Variants in SEC24D observed in about 807,000 individuals in gnomAD.
SEC24D encodes the protein protein transport protein Sec24D.
In SEC24D, 69 loss-of-function variants were observed where a neutral mutation model predicts 116.9. The ratio of observed to expected loss-of-function variants is 0.59; its 90% CI spans 0.49 to 0.72. SEC24D has a LOEUF of 0.72. SEC24D is among the 30% of genes least tolerant of loss of function. The probability of loss-of-function intolerance (pLI) is 0.00; values close to 1 mark genes in which losing one functional copy is unlikely to be tolerated. For synonymous variants in SEC24D, 405 were observed against 442.8 expected (o/e 0.91, Z 1.07); for missense variants, 1,131 against 1,264.1 (o/e 0.89, Z 1.60).
At chr4:118,828,614 G>C (rs1414488911) in intron 2 of SEC24D, among the ~76,000 whole-genome samples, 1 of 152,152 alleles carries the variant, frequency 6.6e-6, no homozygotes, top group Non-Finnish European at 1.5e-5. Flanking sequence ...ATGGCACTCT[G>C]TTACCCTCCC....
intron 8 of SEC24D, 94 bp downstream of exon 8, chr4:118,797,589 G>A (rs1380254536): frequency 2.9e-5 from 27 of 937,106 alleles, no homozygotes; most frequent in Non-Finnish European, 3.7e-5. Context: ...CCAGTTTCCT[G>A]TTTATATTAT....
chr4:118,822,527 C>T (rs6843239), intron 3 of SEC24D, among the ~76,000 whole-genome samples: 88,655 of 152,022 alleles, frequency 0.58, 26,357 homozygotes, highest in East Asian at 0.66. Flanking sequence ...AATCTTTGCA[C>T]TTCTTTCTTT....
At chr4:118,813,445 C>G (rs2389687) in intron 6 of SEC24D, among the ~76,000 whole-genome samples, 135,873 of 152,264 alleles carry the variant, frequency 0.89, 60,767 homozygotes, top group Middle Eastern at 0.94. Context: ...CATGTGGTGA[C>G]AGCCTTCTTC....
chr4:118,730,643 G>A (rs1333087305), intron 21 of SEC24D: 1 of 152,240 alleles, frequency 6.6e-6, no homozygotes, highest in Non-Finnish European at 1.5e-5. Context: ...AATAACGTTT[G>A]CAATAAATGT....
chr4:118,806,643 T>TA (rs140668239), intron 6 of SEC24D, among the ~76,000 whole-genome samples: 6,720 of 145,528 alleles, frequency 0.046, 177 homozygotes, highest in Non-Finnish European at 0.054. Context: ...AGCATTTTCT[T>TA]AAAAAAAAAA....
chr4:118,810,120 GT>G (rs1560737085), intron 6 of SEC24D, among the ~76,000 whole-genome samples: 8,704 of 144,942 alleles, frequency 0.06, 542 homozygotes, highest in Middle Eastern at 0.088. Flanking sequence ...GTGTGTGTGT[GT>G]GTGTGTGTGT....
intron 8 of SEC24D, among the ~76,000 whole-genome samples, chr4:118,788,667 G>C (rs560067618): frequency 1.5e-3 from 235 of 152,296 alleles, no homozygotes; most frequent in African/African-American, 5.1e-3. Context: ...TTAGAGAGGT[G>C]AACAGGGTTA....
intron 11 of SEC24D, among the ~76,000 whole-genome samples, chr4:118,756,684 C>T (rs1210664404): frequency 6.6e-6 from 1 of 152,100 alleles, no homozygotes; most frequent in Non-Finnish European, 1.5e-5. Context: ...CACGTAGGGA[C>T]TAGGTTACAG....
chr4:118,798,131 A>G (rs988679388), intron 7 of SEC24D, among the ~76,000 whole-genome samples: 1 of 152,236 alleles, frequency 6.6e-6, no homozygotes, highest in African/African-American at 2.4e-5. Flanking sequence ...TTTAGATGCA[A>G]TGGAAAAAAT....
Position 118,740,702 on chromosome 4 carries a change from G to A in SEC24D, c.2199C>T (p.His733=), listed in dbSNP as rs140046192. ...CDKAVTVEFK[H]DDKLSEDSGA... ...CACTGTCTTCACTGAGTTTGTCATC[G>A]TGCTTGAACTCCACGGTCACTGCCT... Residue 733 remains histidine (H), a synonymous_variant, in exon 17 of 23, where the codon CAC becomes CAT. Coordinates refer to ENST00000280551, the MANE Select transcript of SEC24D (RefSeq NM_014822.4). 1.3e-5 allele frequency: 21 copies of A among 1,613,750 alleles called. No homozygotes were observed. The highest frequency in any genetic ancestry group is 1.6e-4 in the Middle Eastern group (1 of 6,078).
chr4:118,741,610 T>C (rs1421643734), intron 15 of SEC24D, among the ~76,000 whole-genome samples: 1 of 152,176 alleles, frequency 6.6e-6, no homozygotes, highest in Non-Finnish European at 1.5e-5. Context: ...GGAAACAAAC[T>C]AGCTGAGCTT....
At chr4:118,770,253 T>G (rs1727837946) in intron 8 of SEC24D, among the ~76,000 whole-genome samples, 1 of 152,204 alleles carries the variant, frequency 6.6e-6, no homozygotes, top group Non-Finnish European at 1.5e-5. Context: ...TAGAAAGGCA[T>G]ATAGTGACAA....
Position 118,739,214 on chromosome 4 carries a change from G to C in SEC24D, c.2312C>G (p.Ser771Cys). Residue 771 changes from serine (S) to cysteine (C), a missense_variant, in exon 18 of 23, where the codon TCT becomes TGT. By Grantham distance (112) the Ser-to-Cys change is moderately radical (BLOSUM62 -1). Transcript: ENST00000280551. ...GCTCTTATAAAGATCAGCTAGCTGA[G>C]AGCTGCAGTTTAAGCCAAGATTGTG... ...RIHNLGLNCSSQLADLYKSCE... is the reference protein window; with the variant it reads ...RIHNLGLNCSCQLADLYKSCE... The C allele has an allele frequency of 6.2e-7, 1 of 1,613,630 alleles. No individual in the cohort carries two copies.
intron 5 of SEC24D, 87 bp from the exon 6 acceptor site, chr4:118,815,242 G>T: frequency 6.7e-7 from 1 of 1,493,798 alleles, no homozygotes; most frequent in Non-Finnish European, 9.1e-7. Flanking sequence ...GTTCAGTCAA[G>T]CATGTTGTAT....
At chr4:118,777,101 T>G (rs1728171617) in intron 8 of SEC24D, among the ~76,000 whole-genome samples, 2 of 151,034 alleles carry the variant, frequency 1.3e-5, no homozygotes, top group Non-Finnish European at 2.9e-5. Flanking sequence ...AATTATTTAT[T>G]TATTTATTTA....
chr4:118,784,380 T>G (rs146262920), intron 8 of SEC24D, among the ~76,000 whole-genome samples: 4 of 152,156 alleles, frequency 2.6e-5, no homozygotes, highest in Non-Finnish European at 5.9e-5. Flanking sequence ...AGAAGAAATA[T>G]AGACAAAATT....
chr4:118,785,498 A>G (rs1728629192), intron 8 of SEC24D, among the ~76,000 whole-genome samples: 1 of 152,170 alleles, frequency 6.6e-6, no homozygotes, highest in Non-Finnish European at 1.5e-5. Context: ...GGGGCTTGGG[A>G]AGTATCCCAA....
intron 8 of SEC24D, among the ~76,000 whole-genome samples, chr4:118,788,632 A>ATTT (rs1728755112): frequency 1.3e-5 from 2 of 152,190 alleles, no homozygotes; most frequent in South Asian, 4.1e-4. Context: ...CTTTCAAATG[A>ATTT]TTTTTTCTTT....
Position 118,790,104 on chromosome 4 carries a change from C to G in SEC24D, c.1041+7579G>C, listed in dbSNP as rs540566497. On this transcript the variant is annotated intron_variant, in intron 8 of 22. Coordinates refer to ENST00000280551, the MANE Select transcript of SEC24D (RefSeq NM_014822.4). ...TCTTGTTTTCCAAATTCCTAAAGTTCAGCAGAGTTCCTAGCACAGAGTAAG... is the reference window on the plus strand; with the variant it reads ...TCTTGTTTTCCAAATTCCTAAAGTTGAGCAGAGTTCCTAGCACAGAGTAAG... Among the ~76,000 whole-genome samples the G allele has an allele frequency of 3.9e-5, 6 of 152,238 alleles. No homozygotes were observed. In the South Asian group the frequency reaches 1.2e-3, roughly 32 times the overall value.
Sources: allele counts gnomAD v4.1 joint callset (sites outside exome capture counted in the v4.1 genomes callset), GRCh38; gene constraint gnomAD v4.1.1; transcripts MANE v1.5; gene names NCBI Gene and HGNC (gene_info 2026-07-23, HGNC 2026-07-21).